The following PPP3CA variants were observed in gnomAD, a reference collection of about 807,000 sequenced individuals.
PPP3CA encodes protein phosphatase 3 catalytic subunit alpha.
PPP3CA carries 14 observed loss-of-function variants against 66.5 expected under a neutral mutation model. That is an observed-to-expected ratio of 0.21 (90% CI 0.14 to 0.33). The LOEUF is 0.33. Among genes scored for constraint, PPP3CA ranks in the 10% least tolerant of loss-of-function variants. The probability of loss-of-function intolerance (pLI) is 1.00; values close to 1 mark genes in which losing one functional copy is unlikely to be tolerated. For synonymous variants in PPP3CA, 232 were observed against 226.2 expected (o/e 1.03, Z -0.23); for missense variants, 317 against 639.5 (o/e 0.50, Z 5.44).
chr4:101,251,225 GT>G (rs1726667647), intron 1 of PPP3CA, among the ~76,000 whole-genome samples: 1 of 151,822 alleles, frequency 6.6e-6, no homozygotes, highest in Non-Finnish European at 1.5e-5. Context: ...GCTGAACAAA[GT>G]CCCTTAAAGT....
chr4:101,306,399 C>A (rs1241571118), intron 1 of PPP3CA, among the ~76,000 whole-genome samples: 3 of 152,140 alleles, frequency 2.0e-5, no homozygotes, highest in Non-Finnish European at 2.9e-5. Flanking sequence ...ACCACCAAGG[C>A]TCCCCCTCCG....
chr4:101,171,808 T>C (rs916191968), intron 2 of PPP3CA, among the ~76,000 whole-genome samples: 1 of 152,190 alleles, frequency 6.6e-6, no homozygotes, highest in Non-Finnish European at 1.5e-5. Context: ...TTACCACAAA[T>C]ATATGCAATT....
At chr4:101,205,492 A>T (rs1442747137) in intron 1 of PPP3CA, among the ~76,000 whole-genome samples, 1 of 152,168 alleles carries the variant, frequency 6.6e-6, no homozygotes, top group Non-Finnish European at 1.5e-5. Flanking sequence ...AAATTTTAGA[A>T]ACCTTTGTAT....
intron 1 of PPP3CA, among the ~76,000 whole-genome samples, chr4:101,324,048 G>T (rs1729121477): frequency 6.6e-6 from 1 of 151,908 alleles, no homozygotes; most frequent in Admixed American, 6.6e-5. Flanking sequence ...GGGAGGCAGA[G>T]GTTGCAGTGA....
intron 1 of PPP3CA, among the ~76,000 whole-genome samples, chr4:101,220,299 GTT>G (rs33967695): frequency 6.8e-6 from 1 of 147,524 alleles, no homozygotes; most frequent in Non-Finnish European, 1.5e-5. Context: ...TTGACAGCAC[GTT>G]TTTTTTTTTA....
chr4:101,246,751 T>C (rs148467222), intron 1 of PPP3CA, among the ~76,000 whole-genome samples: 1 of 152,148 alleles, frequency 6.6e-6, no homozygotes, highest in African/African-American at 2.4e-5. Flanking sequence ...ATATATGATA[T>C]ATATTCACAT....
At chr4:101,106,450 A>AAAGAAAGAAGAGAAGAGAAGAGAAGAG (rs751759518) in intron 3 of PPP3CA, among the ~76,000 whole-genome samples, 1 of 11,094 alleles carries the variant, frequency 9.0e-5, no homozygotes, top group Non-Finnish European at 1.7e-4. Flanking sequence ...AGAAAGAAAG[A>AAAGAAAGAAGAGAAGAGAAGAGAAGAG]AAGAGAAAAG....
intron 1 of PPP3CA, among the ~76,000 whole-genome samples, chr4:101,341,501 T>C (rs1729816367): frequency 6.6e-6 from 1 of 152,218 alleles, no homozygotes; most frequent in Non-Finnish European, 1.5e-5. Flanking sequence ...CTGACTATTC[T>C]CAGGTGACCA....
In PPP3CA at chr4:101,196,082, T is replaced by C. The variant is rs1486042987; in HGVS notation, c.93A>G (p.Ala31=). The C allele has an allele frequency of 6.2e-7, 1 of 1,614,036 alleles. No homozygotes were observed. The highest frequency in any genetic ancestry group is 8.5e-7 in the Non-Finnish European group (1 of 1,179,962). The part of the protein sequence containing the change: ...VPFPPSHRLT[A]KEVFDNDGKP... ...TTCCATCATTATCAAACACTTCTTT[T>C]GCTGTAAGCCGGTGACTTGGAGGAA... The change falls in exon 2 of 14, where the codon GCA becomes GCG. Residue 31 remains alanine (A), a synonymous_variant. Coordinates refer to ENST00000394854, the MANE Select transcript of PPP3CA (RefSeq NM_000944.5).
chr4:101,151,004 T>C (rs1031313620), intron 2 of PPP3CA, among the ~76,000 whole-genome samples: 5 of 152,158 alleles, frequency 3.3e-5, no homozygotes, highest in African/African-American at 1.2e-4. Flanking sequence ...AAAGGTATAA[T>C]CAAAATTTAA....
chr4:101,183,254 T>C (rs1724300191), intron 2 of PPP3CA, among the ~76,000 whole-genome samples: 1 of 152,060 alleles, frequency 6.6e-6, no homozygotes, highest in South Asian at 2.1e-4. Flanking sequence ...TAGAATGGCA[T>C]CTTCAGCTCC....
chr4:101,217,525 CAG>C (rs1725494750), intron 1 of PPP3CA, among the ~76,000 whole-genome samples: 1 of 152,040 alleles, frequency 6.6e-6, no homozygotes, highest in African/African-American at 2.4e-5. Flanking sequence ...CTCAAGTTAG[CAG>C]AGAGAATCAG....
intron 1 of PPP3CA, among the ~76,000 whole-genome samples, chr4:101,273,288 T>C (rs1409746468): frequency 6.6e-6 from 1 of 152,120 alleles, no homozygotes; most frequent in African/African-American, 2.4e-5. Flanking sequence ...AGAAAATAAT[T>C]AAAATTACTT....
At chr4:101,137,720 T>A (rs1454131799) in intron 2 of PPP3CA, among the ~76,000 whole-genome samples, 1 of 152,094 alleles carries the variant, frequency 6.6e-6, no homozygotes, top group Non-Finnish European at 1.5e-5. Context: ...AGGATCATCA[T>A]CCTACATTAG....
intron 1 of PPP3CA, among the ~76,000 whole-genome samples, chr4:101,290,635 CCAA>C (rs1399277937): frequency 2.0e-5 from 3 of 152,124 alleles, no homozygotes; most frequent in Non-Finnish European, 4.4e-5. Flanking sequence ...AGCTTACATT[CCAA>C]CAAGGAGAGA....
intron 1 of PPP3CA, among the ~76,000 whole-genome samples, chr4:101,331,007 G>C (rs939883886): frequency 2.6e-5 from 4 of 152,092 alleles, no homozygotes; most frequent in Non-Finnish European, 5.9e-5. Flanking sequence ...TCTGCCCCAC[G>C]AAAAGTATTA....
At chr4:101,056,818 GGTTGGAAATAAT>G (rs980878266) in intron 10 of PPP3CA, among the ~76,000 whole-genome samples, 1 of 149,064 alleles carries the variant, frequency 6.7e-6, no homozygotes, top group Non-Finnish European at 1.5e-5. Flanking sequence ...TTTATCCTAA[GGTTGGAAATAAT>G]GTTACCAAAA....
intron 10 of PPP3CA, among the ~76,000 whole-genome samples, chr4:101,042,017 G>GA (rs1281596450): frequency 7.9e-5 from 12 of 151,824 alleles, no homozygotes; most frequent in Non-Finnish European, 2.9e-5. Flanking sequence ...GAAGGGTTTT[G>GA]AAAAAAAGAT....
chr4:101,048,509 C>CA lies in PPP3CA; in HGVS notation c.1157-7944dup, dbSNP rs59988569. Among the ~76,000 whole-genome samples the CA allele has an allele frequency of 5.3e-3, 352 of 66,302 alleles. 62 individuals are homozygous for CA. Among genetic ancestry groups the CA allele is most frequent in the Non-Finnish European group, 6.9e-3 (232 of 33,568 alleles). 43.5% of individuals were successfully genotyped at this position (66,302 alleles called of 152,430 possible). On this transcript the variant is annotated intron_variant, in intron 10 of 13. Transcript: ENST00000394854. ...CCAGAGATTGTTTGCTTTCTCTCAC[C>CA]AAAAAAAAAAAAAAAAAAAAAAAAA...
Sources: gnomAD v4.1 joint callset for allele counts (sites outside exome capture counted in the v4.1 genomes callset) on GRCh38, gnomAD v4.1.1 for gene constraint, MANE v1.5 for transcripts, NCBI Gene and HGNC (gene_info 2026-07-23, HGNC 2026-07-21) for gene names.